SUMF1: variants seen among roughly 807,000 people sequenced by gnomAD.
SUMF1 encodes the protein sulfatase modifying factor 1, also known as formylglycine-generating enzyme.
A neutral mutation model predicts 47.6 loss-of-function variants in SUMF1; 48 were observed. That is an observed-to-expected ratio of 1.01 (90% CI 0.80 to 1.28). The LOEUF (loss-of-function observed/expected upper bound fraction) is 1.28, where lower values mean the gene tolerates loss of function less well. SUMF1 is among the 50% of genes most tolerant of loss of function. The pLI, the probability that SUMF1 is intolerant of heterozygous loss-of-function variation, is 0.00. For missense variants in SUMF1, 571 were observed against 485.4 expected, an observed-to-expected ratio of 1.18 and a Z score of -1.66; for synonymous variants, 230 against 192.1, an observed-to-expected ratio of 1.20 and a Z score of -1.63.
At chr3:4,410,052 A>T (rs767723727) in intron 7 of SUMF1, among the ~76,000 whole-genome samples, 7 of 152,226 alleles carry the variant, frequency 4.6e-5, no homozygotes, top group Non-Finnish European at 7.3e-5. Context: ...TTATAAATAT[A>T]CATTCTTGGA....
chr3:4,046,404 G>A (rs1279550610), intron 9 of SUMF1, among the ~76,000 whole-genome samples: 1 of 152,156 alleles, frequency 6.6e-6, no homozygotes, highest in East Asian at 1.9e-4. Flanking sequence ...TGGCTGTGAG[G>A]TTGAGTTTTA....
At chr3:4,287,111 A>C (rs968346181) in intron 8 of SUMF1, among the ~76,000 whole-genome samples, 1 of 152,116 alleles carries the variant, frequency 6.6e-6, no homozygotes, top group Admixed American at 6.6e-5. Flanking sequence ...CAGCTAATGG[A>C]ATGTGTGCTA....
Position 4,133,131 on chromosome 3 carries a change from CTTT to C in SUMF1, c.1015-64389_1015-64387del, listed in dbSNP as rs527287147. Among the ~76,000 whole-genome samples, 1,126 of 152,282 alleles carry C rather than the reference CTTT, an allele frequency of 7.4e-3. 8 individuals are homozygous for C. The highest frequency in any genetic ancestry group is 0.011 in the Non-Finnish European group (777 of 68,022). ...TAATTGTCATGAGTACTTCCTTCTT[CTTT>C]TGTTAAAAACATGTTTGTGCATGTA... On this transcript the variant is annotated intron_variant and NMD_transcript_variant, in intron 8 of 12. Transcript: ENST00000448413.
intron 8 of SUMF1, among the ~76,000 whole-genome samples, chr3:4,237,153 A>G (rs905092715): frequency 6.6e-6 from 1 of 152,120 alleles, no homozygotes; most frequent in African/African-American, 2.4e-5. Context: ...AGTGAAGAAC[A>G]TCTTTGGTGG....
chr3:4,061,744 G>A (rs1376649108), intron 9 of SUMF1, among the ~76,000 whole-genome samples: 1 of 152,076 alleles, frequency 6.6e-6, no homozygotes, highest in East Asian at 1.9e-4. Flanking sequence ...ATTAGAACAT[G>A]GGTTGAACAG....
At chr3:4,449,024 T>G (rs1702877753) in intron 3 of SUMF1, among the ~76,000 whole-genome samples, 1 of 152,190 alleles carries the variant, frequency 6.6e-6, no homozygotes, top group Non-Finnish European at 1.5e-5. Context: ...CACTGTGTGT[T>G]CCTTGGCACA....
rs1188956184 is a variant in SUMF1, at chr3:4,362,216, C to G, written c.1053G>C (p.Gln351His). 6.2e-7 allele frequency: 1 copy of G among 1,614,202 alleles called. No individual in the cohort carries two copies. Among genetic ancestry groups the G allele is most frequent in the African/African-American group, 1.3e-5 (1 of 75,068 alleles). ...TCGAAGCAGAGCTATCAGGTGTGTT[C>G]TGGCTCCGAGCAGCACAGCGATACC... ...CYRYRCAARSQNTPDSSASNL... is the reference protein window; with the variant it reads ...CYRYRCAARSHNTPDSSASNL... Residue 351 changes from glutamine to histidine, a missense_variant, in exon 9 of 9, where the codon CAG (glutamine) becomes CAC (histidine). Coordinates refer to ENST00000272902, the MANE Select transcript of SUMF1 (RefSeq NM_182760.4).
intron 8 of SUMF1, among the ~76,000 whole-genome samples, chr3:4,339,890 A>C (rs973934757): frequency 6.6e-6 from 1 of 152,160 alleles, no homozygotes; most frequent in African/African-American, 2.4e-5. Context: ...CAGCCTAGGC[A>C]ACATGGCAAA....
intron 8 of SUMF1, among the ~76,000 whole-genome samples, chr3:4,136,088 C>T (rs1415769077): frequency 6.6e-6 from 1 of 152,124 alleles, no homozygotes; most frequent in Non-Finnish European, 1.5e-5. Context: ...CCCCATCAAG[C>T]TACCAATGAC....
chr3:4,192,997 C>A (rs1211599443), intron 8 of SUMF1, among the ~76,000 whole-genome samples: 1 of 152,082 alleles, frequency 6.6e-6, no homozygotes, highest in Admixed American at 6.6e-5. Flanking sequence ...AGGCCTCAAT[C>A]CAGGCCAATG....
intron 1 of SUMF1, among the ~76,000 whole-genome samples, chr3:4,459,461 GA>G (rs1469075245): frequency 6.6e-6 from 1 of 152,160 alleles, no homozygotes; most frequent in East Asian, 1.9e-4. Flanking sequence ...AATAACATCA[GA>G]AGAAACAGAA....
chr3:4,344,346 T>G (rs1414729344), intron 8 of SUMF1, among the ~76,000 whole-genome samples: 1 of 152,156 alleles, frequency 6.6e-6, no homozygotes, highest in Non-Finnish European at 1.5e-5. Context: ...TTTGCTGCTC[T>G]CCAGCCTCCT....
intron 9 of SUMF1, among the ~76,000 whole-genome samples, chr3:4,054,571 T>C (rs317528): frequency 0.81 from 122,662 of 151,938 alleles, 51,079 homozygotes; most frequent in East Asian, 0.99. Flanking sequence ...AAAGATATCT[T>C]TACCCACTAC....
intron 7 of SUMF1, among the ~76,000 whole-genome samples, chr3:4,377,905 T>C (rs1290709520): frequency 1.3e-5 from 2 of 152,200 alleles, no homozygotes; most frequent in Non-Finnish European, 2.9e-5. Flanking sequence ...TATCTTAGTT[T>C]TTCCTTCTCC....
intron 8 of SUMF1, among the ~76,000 whole-genome samples, chr3:4,282,531 G>A (rs1697550811): frequency 6.6e-6 from 1 of 152,118 alleles, no homozygotes; most frequent in Non-Finnish European, 1.5e-5. Flanking sequence ...TACTGCGAGT[G>A]GGGAAAAATC....
At chr3:4,167,273 C>T (rs1694729384) in intron 8 of SUMF1, among the ~76,000 whole-genome samples, 1 of 150,690 alleles carries the variant, frequency 6.6e-6, no homozygotes, top group African/African-American at 2.4e-5. Flanking sequence ...TGGGTTGCTG[C>T]TGCTGGCTGG....
chr3:4,214,226 A>C (rs756722140), intron 8 of SUMF1, among the ~76,000 whole-genome samples: 1 of 152,214 alleles, frequency 6.6e-6, no homozygotes, highest in Non-Finnish European at 1.5e-5. Flanking sequence ...ACCACAGTGC[A>C]ATCACATTAG....
chr3:4,219,780 G>A (rs1574990896), intron 8 of SUMF1, among the ~76,000 whole-genome samples: 1 of 152,114 alleles, frequency 6.6e-6, no homozygotes, highest in African/African-American at 2.4e-5. Flanking sequence ...CAAATCCATG[G>A]AATCAGAATC....
intron 8 of SUMF1, among the ~76,000 whole-genome samples, chr3:4,107,173 G>C (rs1173491673): frequency 6.6e-6 from 1 of 152,064 alleles, no homozygotes; most frequent in East Asian, 1.9e-4. Flanking sequence ...GTTGAGAATT[G>C]TTCTTGGTTT....
Sources: gnomAD v4.1 joint callset for allele counts (sites outside exome capture counted in the v4.1 genomes callset) on GRCh38, gnomAD v4.1.1 for gene constraint, MANE v1.5 for transcripts, NCBI Gene and HGNC (gene_info 2026-07-23, HGNC 2026-07-21) for gene names.